The following MMRN1 variants were observed in gnomAD, a reference collection of about 807,000 sequenced individuals.
The protein encoded by MMRN1 is multimerin-1.
In MMRN1, 94 loss-of-function variants were observed where a neutral mutation model predicts 100.7. The observed-to-expected ratio is 0.93, with a 90% CI of 0.79 to 1.11. MMRN1 has a LOEUF of 1.11. MMRN1 is among the 50% of genes least tolerant of loss of function. The probability of loss-of-function intolerance (pLI) is 0.00; values close to 1 mark genes in which losing one functional copy is unlikely to be tolerated. For synonymous variants in MMRN1, 575 were observed against 505.0 expected, an observed-to-expected ratio of 1.14 and a Z score of -1.86; for missense variants, 1,606 against 1,439.1, an observed-to-expected ratio of 1.12 and a Z score of -1.88.
At chr4:89,881,527 C>A (rs1720814479) in intron 1 of MMRN1, among the ~76,000 whole-genome samples, 1 of 151,774 alleles carries the variant, frequency 6.6e-6, no homozygotes. Flanking sequence ...AATTATATGC[C>A]TTTTCATTTT....
intron 2 of MMRN1, among the ~76,000 whole-genome samples, chr4:89,911,080 A>G (rs571358594): frequency 2.5e-4 from 38 of 151,554 alleles, no homozygotes; most frequent in African/African-American, 8.7e-4. Flanking sequence ...AATGAGGATA[A>G]TAATAATGCC....
intron 6 of MMRN1, among the ~76,000 whole-genome samples, chr4:89,939,626 G>T (rs985511956): frequency 5.9e-5 from 9 of 152,112 alleles, no homozygotes; most frequent in African/African-American, 2.2e-4. Flanking sequence ...AAGTGATAGA[G>T]CTTGGCTTCT....
At chr4:89,911,442 G>A (rs1046489586) in intron 2 of MMRN1, among the ~76,000 whole-genome samples, 4 of 151,156 alleles carry the variant, frequency 2.6e-5, no homozygotes, top group Admixed American at 1.3e-4. Flanking sequence ...TCAAAACTTT[G>A]AAGATGAAAA....
At chr4:89,896,575 T>G (rs1721212818) in intron 1 of MMRN1, among the ~76,000 whole-genome samples, 1 of 152,150 alleles carries the variant, frequency 6.6e-6, no homozygotes. Flanking sequence ...AGTTTTTACA[T>G]GTAATAATAC....
At chr4:89,932,528 G>T (rs1257541872) in intron 5 of MMRN1, among the ~76,000 whole-genome samples, 1 of 152,124 alleles carries the variant, frequency 6.6e-6, no homozygotes, top group Non-Finnish European at 1.5e-5. Flanking sequence ...CTCTATGAAG[G>T]CTGTGCCCCT....
chr4:89,920,288 T>C (rs1722047170), intron 3 of MMRN1, among the ~76,000 whole-genome samples: 1 of 152,142 alleles, frequency 6.6e-6, no homozygotes, highest in South Asian at 2.1e-4. Context: ...TGTGCAATGT[T>C]GCTAGATGGG....
At chr4:89,929,625 A>G (rs1045849790) in intron 5 of MMRN1, among the ~76,000 whole-genome samples, 1 of 152,180 alleles carries the variant, frequency 6.6e-6, no homozygotes, top group Non-Finnish European at 1.5e-5. Flanking sequence ...CTACCAGCCT[A>G]CTACAAAGAT....
chr4:89,917,954 C>G (rs1258496889), intron 3 of MMRN1, among the ~76,000 whole-genome samples: 4 of 151,628 alleles, frequency 2.6e-5, no homozygotes, highest in Non-Finnish European at 4.4e-5. Context: ...TCTAAATATC[C>G]TATTTAATTA....
At chr4:89,924,135 T>G (rs2110615969) in intron 4 of MMRN1, among the ~76,000 whole-genome samples, 3 of 152,302 alleles carry the variant, frequency 2.0e-5, no homozygotes, top group Admixed American at 2.0e-4. Flanking sequence ...AACAATAAAA[T>G]TCTCAGAACA....
At chr4:89,893,680 A>T (rs756450409), upstream of MMRN1, among the ~76,000 whole-genome samples, 85 of 152,308 alleles carry the variant, frequency 5.6e-4, no homozygotes, top group Non-Finnish European at 5.6e-4. Context: ...ACAGACATTT[A>T]GCAAATTGAC....
At chr4:89,892,460 T>A (rs1411749223), upstream of MMRN1, among the ~76,000 whole-genome samples, 1 of 151,776 alleles carries the variant, frequency 6.6e-6, no homozygotes, top group African/African-American at 2.4e-5. Flanking sequence ...TTTTTCTTAA[T>A]TGTTATTTAA....
intron 1 of MMRN1, among the ~76,000 whole-genome samples, chr4:89,899,725 C>A (rs145206807): frequency 7.7e-4 from 117 of 152,152 alleles, no homozygotes; most frequent in African/African-American, 2.5e-3. Context: ...TAACTAGAAA[C>A]CTTGGATAGA....
Position 89,935,328 on chromosome 4 carries a change from C to T in MMRN1, c.1648C>T (p.His550Tyr), listed in dbSNP as rs1722576812. 6.2e-7 allele frequency: 1 copy of T among 1,613,430 alleles called. No homozygotes were observed. The highest frequency in any genetic ancestry group is 1.7e-5 in the Admixed American group (1 of 59,940). ...TGTCACTGAGTACATGTCTACTTTA[C>T]ATGAAAATATAAAGAAGCAGAGTTT... ...NNVTEYMSTL[H>Y]ENIKKQSLMM... Residue 550 changes from histidine (H) to tyrosine (Y), a missense_variant, in exon 6 of 8, where the codon CAT (histidine) becomes TAT (tyrosine). Physicochemically the swap from His to Tyr is moderately conservative, Grantham distance 83. Transcript: ENST00000264790.
chr4:89,940,004 G>T (rs1722773023), intron 6 of MMRN1, among the ~76,000 whole-genome samples: 1 of 152,134 alleles, frequency 6.6e-6, no homozygotes, highest in African/African-American at 2.4e-5. Flanking sequence ...TTCCTTTTGA[G>T]CCATTCCTAC....
chr4:89,889,837 C>T lies in MMRN1; in HGVS notation c.-248-4887C>T, dbSNP rs193194385. Among the ~76,000 whole-genome samples the T allele has an allele frequency of 2.6e-3, 389 of 152,102 alleles. 1 individual carries two copies. Among genetic ancestry groups the T allele is most frequent in the South Asian group, 7.5e-3 (36 of 4,812 alleles). ...ATGAAAAATCTTCTTCTACTTGCAA[C>T]GAAAAATCATTTTTAAAACAATCTC... On this transcript the variant is annotated intron_variant, in intron 1 of 8. Coordinates refer to the MMRN1 transcript ENST00000394980.
At chr4:89,909,722 T>TA (rs397747411) in intron 2 of MMRN1, among the ~76,000 whole-genome samples, 1 of 151,506 alleles carries the variant, frequency 6.6e-6, no homozygotes, top group East Asian at 1.9e-4. Flanking sequence ...ATCCTGTCCT[T>TA]AATTGCTTAT....
chr4:89,906,565 T>G (rs1441646818), intron 1 of MMRN1, among the ~76,000 whole-genome samples: 1 of 151,584 alleles, frequency 6.6e-6, no homozygotes, highest in Non-Finnish European at 1.5e-5. Context: ...GTACAAAGGA[T>G]TACTAGGTTT....
intron 7 of MMRN1, among the ~76,000 whole-genome samples, chr4:89,952,542 T>C (rs1413948882): frequency 2.6e-5 from 4 of 152,226 alleles, no homozygotes; most frequent in African/African-American, 7.2e-5. Flanking sequence ...TATGACTTTA[T>C]ATGGTTTTCG....
chr4:89,895,052 G>T lies in MMRN1; in HGVS notation c.81G>T (p.Trp27Cys), dbSNP rs776781809. The change falls in exon 1 of 8, where the codon TGG becomes TGT. Residue 27 changes from tryptophan to cysteine, a missense_variant. Physicochemically the swap from Trp to Cys is radical, Grantham distance 215. Transcript: ENST00000264790. ...GGCTTAACAACAGTAAGCATTCTTG[G>T]ACTATACCTGAGGATGGGAACTCTC... ...GIGLNNSKHSWTIPEDGNSQK... is the reference protein window; with the variant it reads ...GIGLNNSKHSCTIPEDGNSQK... The T allele has an allele frequency of 8.7e-5, 141 of 1,613,842 alleles. No individual in the cohort carries two copies. The highest frequency in any genetic ancestry group is 1.7e-4 in the Middle Eastern group (1 of 6,056).
Sources: gnomAD v4.1 joint callset for allele counts (sites outside exome capture counted in the v4.1 genomes callset) on GRCh38, gnomAD v4.1.1 for gene constraint, MANE v1.5 for transcripts, NCBI Gene and HGNC (gene_info 2026-07-23, HGNC 2026-07-21) for gene names.